Variants in MYO3B observed in about 807,000 individuals in gnomAD.
MYO3B encodes myosin IIIB, also known as myosin-IIIb.
A neutral mutation model predicts 174.6 loss-of-function variants in MYO3B; 156 were observed. The observed-to-expected ratio is 0.89, with a 90% CI of 0.78 to 1.02. MYO3B has a LOEUF of 1.02. MYO3B is among the 50% of genes least tolerant of loss of function. MYO3B has a pLI of 0.00. For missense variants in MYO3B, 1,632 were observed against 1,639.4 expected (o/e 1.00, Z 0.08); for synonymous variants, 563 against 569.1 (o/e 0.99, Z 0.15).
chr2:170,479,534 G>A (rs1004198288), intron 25 of MYO3B, among the ~76,000 whole-genome samples: 2 of 144,084 alleles, frequency 1.4e-5, no homozygotes, highest in African/African-American at 5.0e-5. Context: ...TAATAGAGGT[G>A]TATTTTATAT....
chr2:170,327,153 A>G (rs907658060), intron 7 of MYO3B, among the ~76,000 whole-genome samples: 1 of 152,304 alleles, frequency 6.6e-6, no homozygotes, highest in East Asian at 1.9e-4. Flanking sequence ...TTGGGAGGCC[A>G]AGGCGGGCAG....
intron 7 of MYO3B, among the ~76,000 whole-genome samples, chr2:170,324,460 T>C (rs1236004675): frequency 6.6e-6 from 1 of 152,246 alleles, no homozygotes; most frequent in Non-Finnish European, 1.5e-5. Context: ...ATCTCTTCTT[T>C]ATCTCTCAAA....
chr2:170,402,756 T>C (rs2094486004), intron 18 of MYO3B, 92 bp from the exon 19 acceptor site: 1 of 1,263,508 alleles, frequency 7.9e-7, no homozygotes. Flanking sequence ...AATTGGGTAC[T>C]TGAGCTGATA....
intron 29 of MYO3B, 30 bp downstream of exon 29, chr2:170,515,052 T>C (rs916719260): frequency 1.3e-6 from 2 of 1,593,670 alleles, no homozygotes; most frequent in Non-Finnish European, 1.7e-6. Context: ...AGAATGAGTG[T>C]TCTAAATTCA....
At chr2:170,580,966 A>T (rs968254827) in intron 32 of MYO3B, among the ~76,000 whole-genome samples, 1 of 152,248 alleles carries the variant, frequency 6.6e-6, no homozygotes, top group African/African-American at 2.4e-5. Context: ...ATTATAAATG[A>T]CGCTGTGATG....
chr2:170,283,956 AG>A (rs1275344574), intron 7 of MYO3B, among the ~76,000 whole-genome samples: 2 of 152,238 alleles, frequency 1.3e-5, no homozygotes, highest in Non-Finnish European at 2.9e-5. Flanking sequence ...TTGGCTTCTC[AG>A]TTTTCCAAGA....
intron 27 of MYO3B, among the ~76,000 whole-genome samples, chr2:170,501,197 C>T (rs1687248233): frequency 2.6e-5 from 4 of 152,236 alleles, no homozygotes; most frequent in Non-Finnish European, 5.9e-5. Flanking sequence ...TCTTTTTCTT[C>T]ACCTTTCTTC....
At chr2:170,232,615 C>T (rs2093027109) in intron 6 of MYO3B, among the ~76,000 whole-genome samples, 1 of 152,256 alleles carries the variant, frequency 6.6e-6, no homozygotes, top group Admixed American at 6.5e-5. Flanking sequence ...GGTTCAAATT[C>T]TGGCCCTGAC....
intron 22 of MYO3B, among the ~76,000 whole-genome samples, chr2:170,422,714 C>T (rs7581000): frequency 0.028 from 4,271 of 152,074 alleles, 182 homozygotes; most frequent in African/African-American, 0.095. Context: ...CCTTGGCCCC[C>T]CAAAGTGCTG....
chr2:170,191,019 G>A (rs978045806), intron 1 of MYO3B, among the ~76,000 whole-genome samples: 3 of 151,912 alleles, frequency 2.0e-5, no homozygotes, highest in East Asian at 1.9e-4. Context: ...GGGTACCACC[G>A]CTGAATATTC....
At chr2:170,289,917 A>G (rs534518106) in intron 7 of MYO3B, among the ~76,000 whole-genome samples, 27 of 152,086 alleles carry the variant, frequency 1.8e-4, no homozygotes, top group Non-Finnish European at 1.8e-4. Context: ...GTGTGTTTCA[A>G]GAAATTTTAA....
chr2:170,416,813 C>CTGT lies in MYO3B; in HGVS notation c.2650+8974_2650+8976dup, dbSNP rs1381060784. On this transcript the variant is annotated intron_variant, in intron 22 of 34. Transcript: ENST00000408978. Reference sequence around the variant, plus strand: ...ACACTCTTTCCCCAGATCTTTTTTTCTGTTGTTTTTTTTTTTTTTTTTTTT... The same window carrying CTGT: ...ACACTCTTTCCCCAGATCTTTTTTTCTGTTGTTGTTTTTTTTTTTTTTTTTTTT... Among the ~76,000 whole-genome samples, 527 of 89,366 alleles carry CTGT rather than the reference C, an allele frequency of 5.9e-3. 4 individuals carry two copies. The highest frequency in any genetic ancestry group is 0.015 in the African/African-American group (392 of 26,730). 58.6% of individuals were successfully genotyped at this position (89,366 alleles called of 152,430 possible).
At chr2:170,536,526 C>T (rs953796925) in intron 30 of MYO3B, among the ~76,000 whole-genome samples, 1 of 152,192 alleles carries the variant, frequency 6.6e-6, no homozygotes, top group Admixed American at 6.5e-5. Flanking sequence ...TTTATTCCTT[C>T]TTGTTTCCCT....
chr2:170,643,853 A>T (rs564713714), intron 32 of MYO3B: 3 of 152,326 alleles, frequency 2.0e-5, no homozygotes, highest in African/African-American at 7.2e-5. Flanking sequence ...CAAGCTGGGG[A>T]ATACGTGGGC....
intron 32 of MYO3B, among the ~76,000 whole-genome samples, chr2:170,619,734 A>ATACTT (rs1553539463): frequency 3.0e-5 from 1 of 33,518 alleles, no homozygotes; most frequent in Non-Finnish European, 7.4e-5. Flanking sequence ...CTGCTGCCAT[A>ATACTT]TTCTTTTTTT....
chr2:170,419,840 AG>A (rs1334024790), intron 22 of MYO3B, among the ~76,000 whole-genome samples: 2 of 152,100 alleles, frequency 1.3e-5, no homozygotes, highest in Non-Finnish European at 2.9e-5. Context: ...TGGGGGCAGA[AG>A]GAAAGTGGGG....
Position 170,369,368 on chromosome 2 carries a change from C to T in MYO3B, c.962C>T (p.Ala321Val). ...GACCAGAAGCATCAAAATCCTGTTGCTAAAACCAGGTACTGTACTCTCTTT... is the reference window on the plus strand; with the variant it reads ...GACCAGAAGCATCAAAATCCTGTTGTTAAAACCAGGTACTGTACTCTCTTT... ...LQDQKHQNPV[A>V]KTRHERMHTR... The change falls in exon 9 of 35, where the codon GCT (alanine) becomes GTT (valine). Residue 321 changes from alanine (A) to valine (V), a missense_variant. By Grantham distance (64) the Ala-to-Val change is moderately conservative. Coordinates refer to ENST00000408978, the MANE Select transcript of MYO3B (RefSeq NM_138995.5). The T allele has an allele frequency of 6.2e-7, 1 of 1,613,288 alleles. No individual in the cohort carries two copies. Among genetic ancestry groups the T allele is most frequent in the Non-Finnish European group, 8.5e-7 (1 of 1,179,456 alleles).
In MYO3B at chr2:170,467,225, C is replaced by T. The variant is rs531084534; in HGVS notation, c.3014+514C>T. Among the ~76,000 whole-genome samples, 5 of 152,166 alleles carry T rather than the reference C, an allele frequency of 3.3e-5. No individual in the cohort carries two copies. The South Asian group carries it at 8.3e-4, about 25-fold the overall frequency. On this transcript the variant is annotated intron_variant, in intron 25 of 34. Coordinates refer to ENST00000408978, the MANE Select transcript of MYO3B (RefSeq NM_138995.5). ...CTATTATCATCCCCATTTTACAAAA[C>T]GTAAAGGTGAGAAAACTTGGGTATG...
chr2:170,251,274 T>C (rs2093250270), intron 7 of MYO3B, among the ~76,000 whole-genome samples: 1 of 152,152 alleles, frequency 6.6e-6, no homozygotes, highest in African/African-American at 2.4e-5. Flanking sequence ...GATTCAGGAC[T>C]CAGTGTTGTG....
Sources: allele counts gnomAD v4.1 joint callset (sites outside exome capture counted in the v4.1 genomes callset), GRCh38; gene constraint gnomAD v4.1.1; transcripts MANE v1.5; gene names NCBI Gene and HGNC (gene_info 2026-07-23, HGNC 2026-07-21).